ZNF639: variants seen among roughly 807,000 people sequenced by gnomAD.
ZNF639 encodes the protein zinc finger protein 639.
Under a neutral mutation model 39.8 loss-of-function variants are expected in ZNF639, and 20 were observed. The observed-to-expected ratio is 0.50, with a 90% CI of 0.35 to 0.73. The LOEUF (loss-of-function observed/expected upper bound fraction) is 0.73. Ranked by LOEUF, ZNF639 falls within the 30% of genes least tolerant of loss-of-function variation. ZNF639 has a pLI of 0.00. For missense variants in ZNF639, 477 were observed against 566.2 expected (o/e 0.84, Z 1.60); for synonymous variants, 176 against 189.8 (o/e 0.93, Z 0.60).
chr3:179,335,774 C>CCTTT lies in ZNF639; in HGVS notation c.*1352_*1353insCTTT, dbSNP rs1711510333. On this transcript the variant is annotated 3_prime_UTR_variant, in exon 6 of 6. Transcript: ENST00000496856. ...TGCAAGTCTGTCCCCCAAATTTCCTCTTTTTTTTTTTTTTTTTGCTTTTTT... is the reference window on the plus strand; with the variant it reads ...TGCAAGTCTGTCCCCCAAATTTCCTCCTTTTTTTTTTTTTTTTTTTTGCTTTTTT... The CCTTT allele has an allele frequency of 7.8e-6, 1 of 128,614 alleles. No individual in the cohort carries two copies. Among genetic ancestry groups the CCTTT allele is most frequent in the African/African-American group, 2.9e-5 (1 of 34,362 alleles). 8.0% of individuals were successfully genotyped at this position (128,614 alleles called of 1,614,324 possible).
intron 3 of ZNF639, among the ~76,000 whole-genome samples, 168 bp downstream of exon 3, chr3:179,328,519 A>G (rs1004034026): frequency 1.3e-5 from 2 of 152,206 alleles, no homozygotes; most frequent in Non-Finnish European, 2.9e-5. Flanking sequence ...ATTGTCTACC[A>G]TGTGCTAGGC....
intron 4 of ZNF639, among the ~76,000 whole-genome samples, chr3:179,331,535 T>C (rs1452678190): frequency 6.6e-6 from 1 of 152,000 alleles, no homozygotes; most frequent in South Asian, 2.1e-4. Context: ...TCCCAGCACT[T>C]TGGGAGGCTG....
At chr3:179,324,493 C>A (rs1560177606) in intron 1 of ZNF639, among the ~76,000 whole-genome samples, 1 of 152,138 alleles carries the variant, frequency 6.6e-6, no homozygotes, top group Non-Finnish European at 1.5e-5. Context: ...TTTATGACAT[C>A]CTTGAGTAGA....
At chr3:179,331,316 A>G (rs1727891211) in intron 4 of ZNF639, among the ~76,000 whole-genome samples, 1 of 152,220 alleles carries the variant, frequency 6.6e-6, no homozygotes, top group Non-Finnish European at 1.5e-5. Context: ...CTGTGCAGAA[A>G]AATTCCAAAT....
rs770950992 is a variant in ZNF639, at chr3:179,333,746, T to G, written c.782T>G (p.Ile261Ser). ...HAKLHEEDPY[I>S]CKYCDYKTVI... is the part of the protein sequence containing the mutation. ...AAACTGCATGAAGAGGATCCCTACATTTGTAAATACTGTGATTATAAGACA... is the reference window on the plus strand; with the variant it reads ...AAACTGCATGAAGAGGATCCCTACAGTTGTAAATACTGTGATTATAAGACA... Residue 261 changes from isoleucine (I) to serine (S), a missense_variant, in exon 6 of 6, where the codon ATT (isoleucine) becomes AGT (serine). Transcript: ENST00000496856. The G allele has an allele frequency of 2.5e-6, 4 of 1,614,160 alleles. No individual in the cohort carries two copies. Among genetic ancestry groups the G allele is most frequent in the Non-Finnish European group, 3.4e-6 (4 of 1,180,026 alleles).
rs777464117 is a variant in ZNF639 at position 179,333,476 on chromosome 3, C to A, written c.512C>A (p.Pro171Gln). ...CTCCAAGACCAAACTGATGAAGAACCGCCAGCTAAACTTTGTAAAATTCTT... is the reference window on the plus strand; with the variant it reads ...CTCCAAGACCAAACTGATGAAGAACAGCCAGCTAAACTTTGTAAAATTCTT... ...ESLQDQTDEEPPAKLCKILDK... is the reference protein window; with the variant it reads ...ESLQDQTDEEQPAKLCKILDK... The change falls in exon 6 of 6, where the codon CCG becomes CAG. Residue 171 changes from proline to glutamine, a missense_variant. Coordinates refer to ENST00000496856, the MANE Select transcript of ZNF639 (RefSeq NM_001303426.2). 3.1e-6 allele frequency: 5 copies of A among 1,613,938 alleles called. No individual in the cohort carries two copies. The South Asian group carries it at 5.5e-5, about 18-fold the overall frequency.
Position 179,334,488 on chromosome 3 carries a change from T to G in ZNF639, c.*66T>G. 2 of 1,250,752 alleles carry G rather than the reference T, an allele frequency of 1.6e-6. No homozygotes were observed. The highest frequency in any genetic ancestry group is 2.2e-6 in the Non-Finnish European group (2 of 929,888). The allele number at this position is 1,250,752 out of a possible 1,614,324, so 77.5% of individuals were successfully genotyped here. A position where few individuals can be genotyped will look rare whatever the true frequency, so the allele number is the denominator to read the frequency against. ...AATTCATCCTTTTTTTGGAGATGAT[T>G]AAATGGATGATTGTAAACACAACTT... On this transcript the variant is annotated 3_prime_UTR_variant, in exon 6 of 6. Coordinates refer to ENST00000496856, the MANE Select transcript of ZNF639 (RefSeq NM_001303426.2).
At chr3:179,331,600 AC>A (rs1223606585) in intron 4 of ZNF639, among the ~76,000 whole-genome samples, 1 of 151,982 alleles carries the variant, frequency 6.6e-6, no homozygotes, top group East Asian at 1.9e-4. Context: ...ACATGGAGAG[AC>A]CCTGTCTCTA....
chr3:179,331,200 A>G (rs554945781), intron 4 of ZNF639, among the ~76,000 whole-genome samples: 1 of 152,236 alleles, frequency 6.6e-6, no homozygotes. Flanking sequence ...CCCAACAGCC[A>G]AAACTGAAAA....
chr3:179,335,771 CCT>C lies in ZNF639; in HGVS notation c.*1352_*1353del, dbSNP rs1711510179. ...GTGTGCAAGTCTGTCCCCCAAATTT[CCT>C]CTTTTTTTTTTTTTTTTTGCTTTTT... On this transcript the variant is annotated 3_prime_UTR_variant, in exon 6 of 6. Coordinates refer to ENST00000496856, the MANE Select transcript of ZNF639 (RefSeq NM_001303426.2). 1 of 109,242 alleles carries C rather than the reference CCT, an allele frequency of 9.2e-6. No individual in the cohort carries two copies. The highest frequency in any genetic ancestry group is 1.8e-5 in the Non-Finnish European group (1 of 54,368). The allele number at this position is 109,242 out of a possible 1,614,324, so 6.8% of individuals were successfully genotyped here.
chr3:179,328,068 A>G, intron 2 of ZNF639: 1 of 380,870 alleles, frequency 2.6e-6, no homozygotes, highest in Non-Finnish European at 4.7e-6. Flanking sequence ...TAACCTCCGT[A>G]AGAAAGAAAA....
In ZNF639 at chr3:179,335,120, G is replaced by A. The variant is rs942384954; in HGVS notation, c.*698G>A. ...GACTTAATATTTTTTTCTTAGAGAT[G>A]GTCTCGTTCTGTTGTCCAGGATGGA... On this transcript the variant is annotated 3_prime_UTR_variant, in exon 6 of 6. Coordinates refer to ENST00000496856, the MANE Select transcript of ZNF639 (RefSeq NM_001303426.2). 1.3e-5 allele frequency: 2 copies of A among 152,112 alleles called. No homozygotes were observed. Among genetic ancestry groups the A allele is most frequent in the African/African-American group, 4.8e-5 (2 of 41,424 alleles). The allele number at this position is 152,112 out of a possible 1,614,324, so 9.4% of individuals were successfully genotyped here. A position where few individuals can be genotyped will look rare whatever the true frequency, so the allele number is the denominator to read the frequency against.
chr3:179,327,112 C>G (rs2108495513), intron 1 of ZNF639, among the ~76,000 whole-genome samples: 1 of 152,124 alleles, frequency 6.6e-6, no homozygotes. Flanking sequence ...ATCGCTTTAA[C>G]CCAGGAGGCA....
Position 179,336,124 on chromosome 3 carries a change from T to A in ZNF639, c.*1702T>A, listed in dbSNP as rs576740572. ...TGTTTTTATAAAGACTCCAGTCATATTGATTGGATTAGGGCCCCTCCCAAT... is the reference window on the plus strand; with the variant it reads ...TGTTTTTATAAAGACTCCAGTCATAATGATTGGATTAGGGCCCCTCCCAAT... On this transcript the variant is annotated 3_prime_UTR_variant, in exon 6 of 6. Transcript: ENST00000496856. 6.6e-6 allele frequency: 1 copy of A among 152,152 alleles called. No homozygotes were observed. Among genetic ancestry groups the A allele is most frequent in the Non-Finnish European group, 1.5e-5 (1 of 68,052 alleles). 9.4% of individuals were successfully genotyped at this position (152,152 alleles called of 1,614,324 possible). A position where few individuals can be genotyped will look rare whatever the true frequency, so the allele number is the denominator to read the frequency against.
In ZNF639 at chr3:179,333,968, A is replaced by G. The variant is rs1728072116; in HGVS notation, c.1004A>G (p.His335Arg). The G allele has an allele frequency of 6.2e-7, 1 of 1,614,190 alleles. No homozygotes were observed. Among genetic ancestry groups the G allele is most frequent in the Non-Finnish European group, 8.5e-7 (1 of 1,180,022 alleles). Residue 335 changes from histidine to arginine, a missense_variant, in exon 6 of 6, where the codon CAT becomes CGT. By Grantham distance (29) the His-to-Arg change is conservative. Coordinates refer to ENST00000496856, the MANE Select transcript of ZNF639 (RefSeq NM_001303426.2). The stretch of plus-strand genomic sequence containing the variant: ...AATGATCCAGAAGACTTGCATAGCC[A>G]TGTGGTAAATGAGCATGCATGTAAA... ...ETNDPEDLHSHVVNEHACKLI... is the reference protein window; with the variant it reads ...ETNDPEDLHSRVVNEHACKLI...
intron 2 of ZNF639, 134 bp from the exon 3 acceptor site, chr3:179,328,149 A>G (rs537764540): frequency 7.5e-6 from 4 of 532,422 alleles, no homozygotes; most frequent in Non-Finnish European, 1.3e-5. Context: ...ATCATTTAAC[A>G]CTTTTCTTAT....
intron 1 of ZNF639, among the ~76,000 whole-genome samples, chr3:179,325,642 C>A (rs1182103396): frequency 6.6e-6 from 1 of 151,894 alleles, no homozygotes; most frequent in Non-Finnish European, 1.5e-5. Context: ...GCCTGTAATC[C>A]CAGCACCTTG....
chr3:179,328,954 G>T (rs7625719), intron 3 of ZNF639, among the ~76,000 whole-genome samples: 5,715 of 151,836 alleles, frequency 0.038, 334 homozygotes, highest in African/African-American at 0.12. Flanking sequence ...TTTTTGTAGT[G>T]TTAAAGTAGA....
rs1728007198 is a variant in ZNF639 at position 179,333,109 on chromosome 3, C to T, written c.290C>T (p.Thr97Ile). 6.2e-7 allele frequency: 1 copy of T among 1,602,168 alleles called. No homozygotes were observed. Among genetic ancestry groups the T allele is most frequent in the Non-Finnish European group, 8.5e-7 (1 of 1,175,098 alleles). The change falls in exon 5 of 6, where the codon ACT (threonine) becomes ATT (isoleucine). Residue 97 changes from threonine to isoleucine, a missense_variant. Coordinates refer to ENST00000496856, the MANE Select transcript of ZNF639 (RefSeq NM_001303426.2). ...CCTGTACTTAGAATTCTAGACCACA[C>T]TGCCTTTTCTACAGGTTGGGGGAAC... is the stretch of plus-strand genomic sequence containing the variant. ...PSPVLRILDHTAFSTEKSADI... is the reference protein window; with the variant it reads ...PSPVLRILDHIAFSTEKSADI...
Sources: gnomAD v4.1 joint callset for allele counts (sites outside exome capture counted in the v4.1 genomes callset) on GRCh38, gnomAD v4.1.1 for gene constraint, MANE v1.5 for transcripts, NCBI Gene and HGNC (gene_info 2026-07-23, HGNC 2026-07-21) for gene names.